Variants in MCPH1 observed in about 807,000 individuals in gnomAD.
The protein encoded by MCPH1 is microcephalin.
In MCPH1, 104 loss-of-function variants were observed where a neutral mutation model predicts 84.5. The observed-to-expected ratio is 1.23, with a 90% CI of 1.05 to 1.45. The LOEUF (loss-of-function observed/expected upper bound fraction) is 1.45, where lower values mean the gene tolerates loss of function less well. Ranked by LOEUF, MCPH1 falls within the 40% of genes most tolerant of loss-of-function variation. The probability of loss-of-function intolerance (pLI) is 0.00; values close to 1 mark genes in which losing one functional copy is unlikely to be tolerated. For synonymous variants in MCPH1, 514 were observed against 366.8 expected (o/e 1.40, Z -4.58); for missense variants, 1,498 against 1,005.7 (o/e 1.49, Z -6.62).
intron 12 of MCPH1, chr8:6,519,853 G>T (rs373427487): frequency 1.2e-6 from 2 of 1,613,110 alleles, no homozygotes; most frequent in African/African-American, 2.7e-5. Context: ...AAGGGGAGAC[G>T]AATACCTCAC....
chr8:6,453,027 C>T (rs1437426353), intron 8 of MCPH1, among the ~76,000 whole-genome samples: 2 of 152,138 alleles, frequency 1.3e-5, no homozygotes, highest in African/African-American at 2.4e-5. Flanking sequence ...CAGTAATGGA[C>T]GACTTTATGG....
At chr8:6,488,894 G>A (rs1024352185) in intron 11 of MCPH1, among the ~76,000 whole-genome samples, 8 of 152,036 alleles carry the variant, frequency 5.3e-5, no homozygotes, top group African/African-American at 1.9e-4. Context: ...AGGGGGGGTT[G>A]ATAGGTGGAG....
chr8:6,523,203 T>A (rs1419234673), intron 12 of MCPH1, among the ~76,000 whole-genome samples: 1 of 152,154 alleles, frequency 6.6e-6, no homozygotes, highest in Non-Finnish European at 1.5e-5. Context: ...TTTACCGTGT[T>A]AGCCAGGGTG....
intron 12 of MCPH1, among the ~76,000 whole-genome samples, chr8:6,519,103 G>A (rs1013886124): frequency 2.5e-4 from 38 of 152,244 alleles, no homozygotes; most frequent in African/African-American, 8.7e-4. Flanking sequence ...CTCCGCTGCT[G>A]GAGAAGAAAA....
intron 12 of MCPH1, among the ~76,000 whole-genome samples, chr8:6,543,692 A>C (rs1004332644): frequency 3.3e-5 from 5 of 152,076 alleles, no homozygotes; most frequent in Non-Finnish European, 5.9e-5. Flanking sequence ...GCTTTTCTGA[A>C]CTATTTAGGA....
At chr8:6,584,793 T>A (rs956851914) in intron 12 of MCPH1, among the ~76,000 whole-genome samples, 13 of 152,240 alleles carry the variant, frequency 8.5e-5, no homozygotes, top group Admixed American at 4.6e-4. Context: ...TTTGGGGAAG[T>A]CCTTGCTTGC....
intron 10 of MCPH1, among the ~76,000 whole-genome samples, chr8:6,478,131 T>C (rs1218707402): frequency 6.6e-6 from 1 of 152,234 alleles, no homozygotes; most frequent in Non-Finnish European, 1.5e-5. Context: ...GATTTTTGAA[T>C]TCCTGTTTAA....
intron 2 of MCPH1, among the ~76,000 whole-genome samples, chr8:6,412,034 G>A (rs1798609922): frequency 6.6e-6 from 1 of 152,178 alleles, no homozygotes; most frequent in African/African-American, 2.4e-5. Context: ...TGGAGCAAGA[G>A]AGCTGCTGTG....
At chr8:6,425,254 T>C (rs777690570) in intron 3 of MCPH1, among the ~76,000 whole-genome samples, 1 of 152,254 alleles carries the variant, frequency 6.6e-6, no homozygotes, top group Non-Finnish European at 1.5e-5. Flanking sequence ...TGGTTCTCTG[T>C]TTAGAGACAT....
At chr8:6,539,267 T>C (rs1053760052) in intron 12 of MCPH1, among the ~76,000 whole-genome samples, 2 of 152,210 alleles carry the variant, frequency 1.3e-5, no homozygotes, top group African/African-American at 4.8e-5. Flanking sequence ...TCTCCATATA[T>C]TGATGCCAGA....
At position 6,519,914 on chromosome 8, in the gene MCPH1, T is replaced by G; in HGVS notation, c.2214+19985T>G. Reference sequence around the variant, plus strand: ...AATGTTAACGTGTAGATGCCATTCGTGGTGTGTCCTGATTTGAATACTTCA... The same window carrying G: ...AATGTTAACGTGTAGATGCCATTCGGGGTGTGTCCTGATTTGAATACTTCA... On this transcript the variant is annotated intron_variant, in intron 12 of 13. Transcript: ENST00000344683. 1 of 1,613,930 alleles carries G rather than the reference T, an allele frequency of 6.2e-7. No individual in the cohort carries two copies. Among genetic ancestry groups the G allele is most frequent in the South Asian group, 1.1e-5 (1 of 91,042 alleles).
At chr8:6,512,063 C>G (rs761882437) in intron 12 of MCPH1, among the ~76,000 whole-genome samples, 1 of 152,084 alleles carries the variant, frequency 6.6e-6, no homozygotes, top group Non-Finnish European at 1.5e-5. Flanking sequence ...GGCCCAAACA[C>G]CTATCTTCTC....
intron 9 of MCPH1, among the ~76,000 whole-genome samples, chr8:6,461,475 T>C (rs1203318573): frequency 6.6e-6 from 1 of 151,518 alleles, no homozygotes; most frequent in African/African-American, 2.4e-5. Context: ...TATAGGTACC[T>C]GCCACCATGC....
intron 12 of MCPH1, among the ~76,000 whole-genome samples, chr8:6,505,366 T>TAACATATATATGTTATATACATATAGAA (rs1307026825): frequency 5.0e-5 from 4 of 79,712 alleles, no homozygotes; most frequent in Non-Finnish European, 9.5e-5. Flanking sequence ...TATATGTATA[T>TAACATATATATGTTATATACATATAGAA]AGAATATATA....
chr8:6,514,537 G>C (rs563265135), intron 12 of MCPH1: 3 of 726,106 alleles, frequency 4.1e-6, no homozygotes, highest in Admixed American at 4.5e-5. Context: ...ATTCTTTAAA[G>C]GGGAGACTGA....
intron 12 of MCPH1, among the ~76,000 whole-genome samples, chr8:6,570,101 T>C (rs986358809): frequency 6.6e-6 from 1 of 152,252 alleles, no homozygotes; most frequent in Admixed American, 6.5e-5. Flanking sequence ...ACATACCCTT[T>C]CATTGTTTGG....
chr8:6,580,428 G>A (rs1230993789), intron 12 of MCPH1, among the ~76,000 whole-genome samples: 5 of 152,118 alleles, frequency 3.3e-5, no homozygotes, highest in Admixed American at 1.3e-4. Context: ...AGGCCGAGGC[G>A]GGCAGATCAC....
At chr8:6,503,242 A>G (rs959374422) in intron 12 of MCPH1, 16 of 1,614,058 alleles carry the variant, frequency 9.9e-6, no homozygotes, top group African/African-American at 1.3e-5. Flanking sequence ...TGGAAGGACC[A>G]CATGCATCAA....
At chr8:6,597,166 A>C (rs1373930637) in intron 12 of MCPH1, among the ~76,000 whole-genome samples, 1 of 152,168 alleles carries the variant, frequency 6.6e-6, no homozygotes, top group African/African-American at 2.4e-5. Context: ...CCTGCCTATA[A>C]GCCTGCAGTG....
Sources: gnomAD v4.1 joint callset for allele counts (sites outside exome capture counted in the v4.1 genomes callset) on GRCh38, gnomAD v4.1.1 for gene constraint, MANE v1.5 for transcripts, NCBI Gene and HGNC (gene_info 2026-07-23, HGNC 2026-07-21) for gene names.